The following GPC5 variants were observed in gnomAD, a reference collection of about 807,000 sequenced individuals.
GPC5 encodes the protein glypican 5, also known as glypican-5.
In GPC5, 47 loss-of-function variants were observed where a neutral mutation model predicts 53.9. The ratio of observed to expected loss-of-function variants is 0.87; its 90% CI spans 0.69 to 1.11. The LOEUF (loss-of-function observed/expected upper bound fraction) is 1.11. GPC5 is among the 50% of genes most tolerant of loss of function. The pLI, the probability that GPC5 is intolerant of heterozygous loss-of-function variation, is 0.00. For missense variants in GPC5, 748 were observed against 713.1 expected (o/e 1.05, Z -0.56); for synonymous variants, 286 against 263.3 (o/e 1.09, Z -0.84).
intron 1 of GPC5, among the ~76,000 whole-genome samples, chr13:91,442,070 T>G (rs1880476262): frequency 6.6e-6 from 1 of 152,160 alleles, no homozygotes; most frequent in African/African-American, 2.4e-5. Flanking sequence ...CAACCAGCAA[T>G]CCTACCTTAA....
intron 7 of GPC5, among the ~76,000 whole-genome samples, chr13:92,826,276 C>A (rs530088180): frequency 2.0e-5 from 3 of 152,214 alleles, no homozygotes; most frequent in South Asian, 4.1e-4. Context: ...AGGGAGAATG[C>A]CCTCCAAAGA....
At chr13:92,646,630 C>G (rs907830454) in intron 7 of GPC5, among the ~76,000 whole-genome samples, 2 of 151,834 alleles carry the variant, frequency 1.3e-5, no homozygotes, top group African/African-American at 4.8e-5. Context: ...AATATTTAGT[C>G]TTTTATTCCA....
intron 7 of GPC5, among the ~76,000 whole-genome samples, chr13:92,657,044 A>C (rs1886160693): frequency 6.6e-6 from 1 of 152,224 alleles, no homozygotes; most frequent in Non-Finnish European, 1.5e-5. Flanking sequence ...GAAATGAAAT[A>C]ATTTTAGGTA....
intron 5 of GPC5, among the ~76,000 whole-genome samples, chr13:91,864,415 A>G (rs2039062450): frequency 6.6e-6 from 1 of 152,150 alleles, no homozygotes. Flanking sequence ...GAAAATAATC[A>G]TTATTGTTTT....
chr13:92,158,922 A>T (rs73620871), intron 7 of GPC5, among the ~76,000 whole-genome samples: 1,829 of 152,304 alleles, frequency 0.012, 54 homozygotes, highest in African/African-American at 0.041. Context: ...AATTTCAATT[A>T]TTCTGAAGGC....
At chr13:92,469,175 G>T (rs1246765239) in intron 7 of GPC5, among the ~76,000 whole-genome samples, 1 of 151,926 alleles carries the variant, frequency 6.6e-6, no homozygotes, top group Admixed American at 6.6e-5. Context: ...AAACATCCAA[G>T]TAGGTTATCT....
intron 7 of GPC5, among the ~76,000 whole-genome samples, chr13:92,582,057 G>T (rs373816723): frequency 3.9e-5 from 6 of 151,974 alleles, no homozygotes; most frequent in African/African-American, 1.4e-4. Flanking sequence ...TTAGTTTGAT[G>T]CAATCCTCTT....
intron 7 of GPC5, among the ~76,000 whole-genome samples, chr13:92,531,311 G>T (rs1391484934): frequency 6.6e-6 from 1 of 151,842 alleles, no homozygotes; most frequent in Non-Finnish European, 1.5e-5. Context: ...AATAATACAT[G>T]CTTGAATATT....
At chr13:91,650,549 G>A (rs74104922) in intron 2 of GPC5, among the ~76,000 whole-genome samples, 1 of 134,570 alleles carries the variant, frequency 7.4e-6, no homozygotes, top group South Asian at 2.1e-4. Context: ...AACAAAACAA[G>A]ATGAGTAAAC....
chr13:91,802,029 CTATT>C (rs74718380), intron 5 of GPC5, among the ~76,000 whole-genome samples: 8,550 of 152,178 alleles, frequency 0.056, 446 homozygotes, highest in East Asian at 0.22. Flanking sequence ...AATCACAGAA[CTATT>C]TATTTGTGTA....
intron 2 of GPC5, among the ~76,000 whole-genome samples, chr13:91,480,757 G>T (rs966802764): frequency 3.3e-5 from 5 of 152,048 alleles, no homozygotes; most frequent in Admixed American, 1.3e-4. Flanking sequence ...GTATAAGGAG[G>T]GTTCACCTAG....
At chr13:91,773,001 A>G (rs918191122) in intron 5 of GPC5, among the ~76,000 whole-genome samples, 6 of 152,138 alleles carry the variant, frequency 3.9e-5, no homozygotes, top group African/African-American at 1.4e-4. Context: ...GGATTTCATG[A>G]TATGACTAAT....
chr13:92,582,130 CAT>C (rs1377558705), intron 7 of GPC5, among the ~76,000 whole-genome samples: 3 of 152,038 alleles, frequency 2.0e-5, no homozygotes, highest in African/African-American at 7.2e-5. Flanking sequence ...ACATCAATGT[CAT>C]ATAGTTTTGC....
At chr13:91,808,129 C>T (rs61967085) in intron 5 of GPC5, among the ~76,000 whole-genome samples, 21,007 of 152,042 alleles carry the variant, frequency 0.14, 1,602 homozygotes, top group African/African-American at 0.19. Flanking sequence ...TTAGATGATT[C>T]GTATACTACA....
At chr13:91,400,824 G>T (rs566705155) in intron 1 of GPC5, among the ~76,000 whole-genome samples, 1 of 152,270 alleles carries the variant, frequency 6.6e-6, no homozygotes, top group Admixed American at 6.5e-5. Context: ...ACTTTCCAGA[G>T]TATCAGTCAC....
intron 7 of GPC5, among the ~76,000 whole-genome samples, chr13:92,259,673 T>G (rs994885102): frequency 6.6e-6 from 1 of 152,174 alleles, no homozygotes; most frequent in South Asian, 2.1e-4. Context: ...CCTGACTTAT[T>G]CTAACATGCC....
intron 7 of GPC5, among the ~76,000 whole-genome samples, chr13:92,650,979 C>G (rs576864718): frequency 6.6e-6 from 1 of 152,110 alleles, no homozygotes; most frequent in African/African-American, 2.4e-5. Context: ...TGGACTCCCA[C>G]TTATGAGTGA....
At chr13:91,572,047 A>G (rs1455367493) in intron 2 of GPC5, among the ~76,000 whole-genome samples, 1 of 108,342 alleles carries the variant, frequency 9.2e-6, no homozygotes, top group African/African-American at 4.8e-5. Flanking sequence ...GTATATACAC[A>G]CATATGTATA....
At chr13:92,458,108 T>C (rs1339596035) in intron 7 of GPC5, among the ~76,000 whole-genome samples, 1 of 152,174 alleles carries the variant, frequency 6.6e-6, no homozygotes, top group Non-Finnish European at 1.5e-5. Context: ...TATGTTTCTA[T>C]ATGGCAAGTT....
Sources: allele counts gnomAD v4.1 joint callset (sites outside exome capture counted in the v4.1 genomes callset), GRCh38; gene constraint gnomAD v4.1.1; transcripts MANE v1.5; gene names NCBI Gene and HGNC (gene_info 2026-07-23, HGNC 2026-07-21).